Variants in CHD2 observed in about 807,000 individuals in gnomAD.
The protein encoded by CHD2 is chromodomain helicase DNA binding protein 2.
In CHD2, 28 loss-of-function variants were observed where a neutral mutation model predicts 243.9. The observed-to-expected ratio is 0.11, with a 90% CI of 0.09 to 0.16. CHD2 has a LOEUF of 0.16. Ranked by LOEUF, CHD2 falls within the 10% of genes least tolerant of loss-of-function variation. The probability of loss-of-function intolerance (pLI) is 1.00; values close to 1 mark genes in which losing one functional copy is unlikely to be tolerated. For synonymous variants in CHD2, 775 were observed against 779.0 expected, an observed-to-expected ratio of 0.99 and a Z score of 0.09; for missense variants, 1,386 against 2,209.8, an observed-to-expected ratio of 0.63 and a Z score of 7.47.
In CHD2 at chr15:93,024,676, G is replaced by C; in HGVS notation, c.5458G>C (p.Asp1820His). 1 of 1,612,654 alleles carries C rather than the reference G, an allele frequency of 6.2e-7. No individual in the cohort carries two copies. The highest frequency in any genetic ancestry group is 8.5e-7 in the Non-Finnish European group (1 of 1,179,218). Reference protein sequence around the residue: ...ERSLEQKNNPDYNWNVRKT With the variant: ...ERSLEQKNNPHYNWNVRKT Reference sequence around the variant, plus strand: ...ATCACTAGAACAGAAAAACAACCCAGATTATAACTGGAATGTTCGGAAAAC... The same window carrying C: ...ATCACTAGAACAGAAAAACAACCCACATTATAACTGGAATGTTCGGAAAAC... The change falls in exon 39 of 39, where the codon GAT becomes CAT. Residue 1820 changes from aspartate to histidine, a missense_variant. By Grantham distance (81) the Asp-to-His change is moderately conservative (BLOSUM62 -1). Transcript: ENST00000394196.
chr15:93,003,577 CTT>C (rs777417349), intron 33 of CHD2, among the ~76,000 whole-genome samples: 9 of 128,356 alleles, frequency 7.0e-5, no homozygotes, highest in Admixed American at 1.6e-4. Flanking sequence ...CTTTAAGTGG[CTT>C]TTTTTTTTTT....
At position 92,972,679 on chromosome 15, in the gene CHD2, G is replaced by A. The variant is rs1214568794; in HGVS notation, c.2505+262G>A. Among the ~76,000 whole-genome samples the A allele has an allele frequency of 3.9e-5, 2 of 51,290 alleles. 1 individual carries two copies. Among genetic ancestry groups the A allele is most frequent in the African/African-American group, 8.4e-5 (2 of 23,872 alleles). The allele number at this position is 51,290 out of a possible 152,430, so 33.6% of individuals were successfully genotyped here. A position where few individuals can be genotyped will look rare whatever the true frequency, so the allele number is the denominator to read the frequency against. On this transcript the variant is annotated intron_variant, in intron 19 of 38. Transcript: ENST00000394196. ...ATCCCGGCTAAAACGGTGAAACCCC[G>A]TCTCTACTAAAAATACAAAAAATTA...
chr15:92,988,867 G>T (rs983031357), intron 26 of CHD2, among the ~76,000 whole-genome samples: 2 of 150,804 alleles, frequency 1.3e-5, no homozygotes, highest in African/African-American at 4.9e-5. Flanking sequence ...TATCATTTTC[G>T]ACCTTTCTTT....
chr15:92,973,541 AGATT>A (rs1331011980), intron 19 of CHD2, among the ~76,000 whole-genome samples: 1 of 152,230 alleles, frequency 6.6e-6, no homozygotes, highest in Non-Finnish European at 1.5e-5. Flanking sequence ...TGAGACTATC[AGATT>A]GATTATCTTT....
intron 2 of CHD2, chr15:92,901,558 T>G: frequency 2.0e-6 from 1 of 510,718 alleles, no homozygotes; most frequent in Non-Finnish European, 3.4e-6. Flanking sequence ...CAAAGGGGCC[T>G]TTACTGTAAT....
rs200427840 is a variant in CHD2 at position 92,912,147 on chromosome 15, G to GT, written c.62+10857dup. Among the ~76,000 whole-genome samples, 1,242 of 151,346 alleles carry GT rather than the reference G, an allele frequency of 8.2e-3. 54 individuals are homozygous for GT. The highest frequency in any genetic ancestry group is 0.069 in the Admixed American group (1,055 of 15,190). ...AAGATTTGTGCTTTGCTTCAAGTTT[G>GT]TTTTTTTTTGTTCGAAACTTAGTTC... On this transcript the variant is annotated intron_variant, in intron 2 of 38. Transcript: ENST00000394196.
intron 34 of CHD2, among the ~76,000 whole-genome samples, chr15:93,008,533 C>T (rs910856439): frequency 4.6e-5 from 7 of 152,130 alleles, no homozygotes; most frequent in African/African-American, 1.4e-4. Context: ...CTCCTGGCTT[C>T]GAATTTCATT....
At chr15:92,939,889 G>GCC (rs2053330200) in intron 7 of CHD2, among the ~76,000 whole-genome samples, 171 bp downstream of exon 7, 1 of 152,186 alleles carries the variant, frequency 6.6e-6, no homozygotes, top group African/African-American at 2.4e-5. Context: ...GTGGTATTGA[G>GCC]CCAAGGGGAA....
chr15:92,955,668 T>C (rs1172335681), intron 15 of CHD2, among the ~76,000 whole-genome samples, 156 bp downstream of exon 15: 1 of 152,252 alleles, frequency 6.6e-6, no homozygotes, highest in Non-Finnish European at 1.5e-5. Context: ...CTTGCCATGT[T>C]ACTTTTCTTC....
intron 16 of CHD2, among the ~76,000 whole-genome samples, chr15:92,960,198 G>C (rs1866013316): frequency 6.6e-6 from 1 of 152,022 alleles, no homozygotes; most frequent in South Asian, 2.1e-4. Flanking sequence ...CTGCAAACTT[G>C]ATAAACTTAC....
intron 5 of CHD2, among the ~76,000 whole-genome samples, chr15:92,935,604 C>T (rs1224575713): frequency 6.6e-6 from 1 of 152,184 alleles, no homozygotes; most frequent in Non-Finnish European, 1.5e-5. Context: ...TACTTCTCTC[C>T]AGTTTGACTG....
At chr15:92,980,988 C>A in intron 23 of CHD2, 77 bp downstream of exon 23, 1 of 949,524 alleles carries the variant, frequency 1.1e-6, no homozygotes, top group South Asian at 1.4e-5. Context: ...TAAGAAGATT[C>A]TGTTAGAGGC....
At chr15:93,010,312 A>G (rs2054374553) in intron 35 of CHD2, among the ~76,000 whole-genome samples, 1 of 145,042 alleles carries the variant, frequency 6.9e-6, no homozygotes, top group East Asian at 1.9e-4. Context: ...CCTTTTTCAT[A>G]TAATGACTTC....
Position 92,939,697 on chromosome 15 carries a change from G to C in CHD2, c.671G>C (p.Arg224Pro), listed in dbSNP as rs770105179. 6.2e-7 allele frequency: 1 copy of C among 1,613,842 alleles called. No homozygotes were observed. Among genetic ancestry groups the C allele is most frequent in the Non-Finnish European group, 8.5e-7 (1 of 1,179,964 alleles). Residue 224 changes from arginine (R) to proline (P), a missense_variant, in exon 7 of 39, where the codon CGA becomes CCA. Arg to Pro is a moderately radical substitution (Grantham distance 103). Coordinates refer to ENST00000394196, the MANE Select transcript of CHD2 (RefSeq NM_001271.4). ...GAAGCTCCCAAAAGGCAGACTCGTC[G>C]AAGAGCGGCTAAAAACGTTAGGTAA... ...DDEAPKRQTR[R>P]RAAKNVSYKE... is the part of the protein sequence containing the mutation.
chr15:92,908,601 T>G (rs2052666857), intron 2 of CHD2, among the ~76,000 whole-genome samples: 2 of 152,206 alleles, frequency 1.3e-5, no homozygotes, highest in African/African-American at 2.4e-5. Flanking sequence ...AGTATCTCCG[T>G]GTGTTTTCAA....
At chr15:93,016,166 T>C (rs565681231) in intron 37 of CHD2, among the ~76,000 whole-genome samples, 2 of 152,344 alleles carry the variant, frequency 1.3e-5, no homozygotes, top group African/African-American at 4.8e-5. Flanking sequence ...TCGAATAGTA[T>C]TCAGCTTTAA....
chr15:92,948,063 A>G (rs922062228), intron 12 of CHD2, among the ~76,000 whole-genome samples: 2 of 152,168 alleles, frequency 1.3e-5, no homozygotes, highest in African/African-American at 4.8e-5. Context: ...GTTGTTTCCT[A>G]AACTGATTTG....
At chr15:93,013,928 CAAAAAAAAAAAAAAAA>C (rs35774813) in intron 36 of CHD2, among the ~76,000 whole-genome samples, 1,460 of 64,278 alleles carry the variant, frequency 0.023, 34 homozygotes, top group African/African-American at 0.088. Flanking sequence ...GACTCTGTCT[CAAAAAAAAAAAAAAAA>C]AAAAAAAAAA....
chr15:92,935,155 C>G (rs1029555134), intron 5 of CHD2, among the ~76,000 whole-genome samples: 1 of 151,960 alleles, frequency 6.6e-6, no homozygotes, highest in Non-Finnish European at 1.5e-5. Context: ...CCTGCCTCAG[C>G]CTCCAGAGTA....
Sources: gnomAD v4.1 joint callset for allele counts (sites outside exome capture counted in the v4.1 genomes callset) on GRCh38, gnomAD v4.1.1 for gene constraint, MANE v1.5 for transcripts, NCBI Gene and HGNC (gene_info 2026-07-23, HGNC 2026-07-21) for gene names.